The following FMNL2 variants were observed in gnomAD, a reference collection of about 807,000 sequenced individuals.
FMNL2 encodes the protein formin-like protein 2.
In FMNL2, 51 loss-of-function variants were observed where a neutral mutation model predicts 130.2. That is an observed-to-expected ratio of 0.39 (90% CI 0.31 to 0.49). FMNL2 has a LOEUF of 0.49. FMNL2 is among the 20% of genes least tolerant of loss of function. FMNL2 has a pLI of 0.85. For synonymous variants in FMNL2, 465 were observed against 467.1 expected (o/e 1.00, Z 0.06); for missense variants, 977 against 1,316.2 (o/e 0.74, Z 3.99).
intron 1 of FMNL2, among the ~76,000 whole-genome samples, chr2:152,368,027 C>T (rs748148931): frequency 4.6e-5 from 7 of 152,174 alleles, no homozygotes; most frequent in Admixed American, 2.0e-4. Flanking sequence ...ACGTGACTCA[C>T]GTGTGCATTA....
At chr2:152,644,380 CT>C (rs1683357882) in intron 25 of FMNL2, among the ~76,000 whole-genome samples, 1 of 152,190 alleles carries the variant, frequency 6.6e-6, no homozygotes, top group Admixed American at 6.6e-5. Context: ...TGCAAAATGA[CT>C]TGCAGAAGGA....
intron 25 of FMNL2, among the ~76,000 whole-genome samples, chr2:152,643,189 A>G (rs1356232975): frequency 1.3e-5 from 2 of 152,166 alleles, no homozygotes; most frequent in Admixed American, 6.5e-5. Flanking sequence ...GGCAGTTTTT[A>G]TCCTCCTTGG....
chr2:152,641,064 G>A (rs1683043176), intron 25 of FMNL2, 150 bp downstream of exon 25: 1 of 1,024,078 alleles, frequency 9.8e-7, no homozygotes, highest in African/African-American at 1.6e-5. Context: ...GAGAGGCTTT[G>A]AAGTCCATTT....
chr2:152,426,430 G>T (rs1034265735), intron 1 of FMNL2, among the ~76,000 whole-genome samples: 1 of 152,204 alleles, frequency 6.6e-6, no homozygotes, highest in Admixed American at 6.5e-5. Flanking sequence ...TTAGAGTTTT[G>T]TTCCAAAGGC....
At chr2:152,407,613 G>A (rs1431933051) in intron 1 of FMNL2, among the ~76,000 whole-genome samples, 1 of 152,204 alleles carries the variant, frequency 6.6e-6, no homozygotes, top group Admixed American at 6.5e-5. Flanking sequence ...CATTTTGGCT[G>A]AATTTTGAAT....
At chr2:152,614,170 A>G (rs1049451148) in intron 11 of FMNL2, among the ~76,000 whole-genome samples, 8 of 152,214 alleles carry the variant, frequency 5.3e-5, no homozygotes, top group Non-Finnish European at 1.2e-4. Context: ...CTTTTCCACT[A>G]CACAGATACC....
rs1186403207 is a variant in FMNL2, at chr2:152,637,628, C to T, written c.2900C>T (p.Pro967Leu). The part of the protein sequence containing the change: ...YFGENPKTTP[P>L]SVFFPVFVRF... ...GGAGAAAACCCCAAGACAACACCACCCTCTGTCTTCTTTCCTGTCTTTGTC... is the reference window on the plus strand; with the variant it reads ...GGAGAAAACCCCAAGACAACACCACTCTCTGTCTTCTTTCCTGTCTTTGTC... The change falls in exon 23 of 26, where the codon CCC becomes CTC. Residue 967 changes from proline (P) to leucine (L), a missense_variant. Pro to Leu is a moderately conservative substitution (Grantham distance 98). Coordinates refer to ENST00000288670, the MANE Select transcript of FMNL2 (RefSeq NM_052905.4). 1.2e-6 allele frequency: 2 copies of T among 1,613,958 alleles called. No homozygotes were observed. Among genetic ancestry groups the T allele is most frequent in the Non-Finnish European group, 8.5e-7 (1 of 1,179,872 alleles).
At chr2:152,369,398 A>G (rs1052444280) in intron 1 of FMNL2, among the ~76,000 whole-genome samples, 2 of 152,260 alleles carry the variant, frequency 1.3e-5, no homozygotes, top group Non-Finnish European at 2.9e-5. Context: ...AACTTGGGCA[A>G]GTGCTTGCTA....
At chr2:152,349,395 G>C (rs1682341459) in intron 1 of FMNL2, among the ~76,000 whole-genome samples, 1 of 152,216 alleles carries the variant, frequency 6.6e-6, no homozygotes, top group South Asian at 2.1e-4. Flanking sequence ...TGGGCTGAGG[G>C]TGTTAACGTG....
chr2:152,441,950 G>C (rs1374520966), intron 1 of FMNL2, among the ~76,000 whole-genome samples: 1 of 152,064 alleles, frequency 6.6e-6, no homozygotes, highest in Non-Finnish European at 1.5e-5. Flanking sequence ...ATTGAGAGTG[G>C]GAGTTCCTAC....
chr2:152,483,753 A>G (rs1039915548), intron 1 of FMNL2, among the ~76,000 whole-genome samples: 2 of 152,252 alleles, frequency 1.3e-5, no homozygotes, highest in Non-Finnish European at 2.9e-5. Flanking sequence ...CAGCACTGCA[A>G]CTACACATGT....
intron 1 of FMNL2, among the ~76,000 whole-genome samples, chr2:152,365,314 G>T (rs1683452409): frequency 6.6e-6 from 1 of 152,170 alleles, no homozygotes; most frequent in African/African-American, 2.4e-5. Flanking sequence ...GAAAGGCACG[G>T]TGGTATGGTG....
chr2:152,389,279 A>G (rs1443948132), intron 1 of FMNL2, among the ~76,000 whole-genome samples: 2 of 152,168 alleles, frequency 1.3e-5, no homozygotes, highest in East Asian at 3.9e-4. Flanking sequence ...TGAGGGGAGG[A>G]CCTGCCTCCT....
chr2:152,624,054 C>T (rs1220330242), intron 15 of FMNL2, among the ~76,000 whole-genome samples: 7 of 2,192 alleles, frequency 3.2e-3, no homozygotes, highest in South Asian at 0.028. Flanking sequence ...CCCTCCCCTC[C>T]CCTCCCCTCC....
intron 1 of FMNL2, among the ~76,000 whole-genome samples, chr2:152,473,302 C>G (rs892774933): frequency 6.6e-6 from 1 of 152,050 alleles, no homozygotes; most frequent in Non-Finnish European, 1.5e-5. Context: ...CTCCTGGGCT[C>G]AAGCCATTCT....
intron 1 of FMNL2, among the ~76,000 whole-genome samples, chr2:152,453,772 T>C (rs1688790030): frequency 6.6e-6 from 1 of 151,692 alleles, no homozygotes; most frequent in East Asian, 1.9e-4. Flanking sequence ...AAGCAGAGAG[T>C]GAAAAGGGAG....
chr2:152,649,423 A>G lies in FMNL2; in HGVS notation c.*1518A>G, dbSNP rs1683888705. ...TAACTATAAGGACAGTTTAGGGAAC[A>G]AGTTACCTACCACATTTCACTTTAG... On this transcript the variant is annotated 3_prime_UTR_variant, in exon 26 of 26. Transcript: ENST00000288670. The G allele has an allele frequency of 6.6e-6, 1 of 152,618 alleles. No homozygotes were observed. The highest frequency in any genetic ancestry group is 2.4e-5 in the African/African-American group (1 of 41,450). 9.5% of individuals were successfully genotyped at this position (152,618 alleles called of 1,614,324 possible).
Position 152,366,141 on chromosome 2 carries a change from C to T in FMNL2, c.117+30421C>T, listed in dbSNP as rs558719996. On this transcript the variant is annotated intron_variant, in intron 1 of 25. Coordinates refer to ENST00000288670, the MANE Select transcript of FMNL2 (RefSeq NM_052905.4). The stretch of plus-strand genomic sequence containing the variant: ...AAATTTGGAAGATTACTGGTGCAGC[C>T]GACAGATTGGGCCAGTTGGGTCATA... Among the ~76,000 whole-genome samples the T allele has an allele frequency of 2.4e-4, 37 of 151,906 alleles. 1 individual carries two copies. In the South Asian group the frequency reaches 3.5e-3, roughly 15 times the overall value.
At chr2:152,537,326 TC>T (rs1403410938) in intron 2 of FMNL2, among the ~76,000 whole-genome samples, 8 of 152,202 alleles carry the variant, frequency 5.3e-5, no homozygotes, top group Non-Finnish European at 1.2e-4. Context: ...TTTTGTTTTT[TC>T]CTTGTCTGCA....
Sources: gnomAD v4.1 joint callset for allele counts (sites outside exome capture counted in the v4.1 genomes callset) on GRCh38, gnomAD v4.1.1 for gene constraint, MANE v1.5 for transcripts, NCBI Gene and HGNC (gene_info 2026-07-23, HGNC 2026-07-21) for gene names.